Variants in FSTL4 observed in about 807,000 individuals in gnomAD.
FSTL4 encodes the protein follistatin-related protein 4.
FSTL4 carries 28 observed loss-of-function variants against 78.2 expected under a neutral mutation model. The ratio of observed to expected loss-of-function variants is 0.36; its 90% CI spans 0.27 to 0.49. The LOEUF is 0.49. FSTL4 is among the 20% of genes least tolerant of loss of function. The pLI, the probability that FSTL4 is intolerant of heterozygous loss-of-function variation, is 0.98. For synonymous variants in FSTL4, 422 were observed against 440.5 expected, an observed-to-expected ratio of 0.96 and a Z score of 0.53; for missense variants, 922 against 1,084.9, an observed-to-expected ratio of 0.85 and a Z score of 2.11.
intron 4 of FSTL4, among the ~76,000 whole-genome samples, chr5:133,399,646 C>T (rs1454492481): frequency 6.6e-6 from 1 of 152,250 alleles, no homozygotes; most frequent in East Asian, 1.9e-4. Flanking sequence ...AGCTCTGCCC[C>T]TTCCCACTTG....
chr5:133,589,286 T>TAAAAAAAAAAAAAAA (rs113649317), intron 2 of FSTL4, among the ~76,000 whole-genome samples: 27 of 80,316 alleles, frequency 3.4e-4, no homozygotes, highest in East Asian at 1.0e-3. Context: ...TAGAGTATAA[T>TAAAAAAAAAAAAAAA]AAAAAAAAAA....
At chr5:133,831,365 A>G in the FSTL4 span, among the ~76,000 whole-genome samples, 18 of 152,304 alleles carry the variant, frequency 1.2e-4, no homozygotes, top group Non-Finnish European at 2.2e-4. Flanking sequence ...ATTCCTTTTA[A>G]TGACTCTTAA....
At chr5:133,249,996 C>G (rs1354913346) in intron 6 of FSTL4, among the ~76,000 whole-genome samples, 3 of 152,226 alleles carry the variant, frequency 2.0e-5, no homozygotes, top group Non-Finnish European at 4.4e-5. Flanking sequence ...GCTGAGTGAG[C>G]TAACAAGTTT....
At chr5:133,574,840 A>C (rs951550398) in intron 2 of FSTL4, 6 of 152,240 alleles carry the variant, frequency 3.9e-5, no homozygotes, top group African/African-American at 1.2e-4. Context: ...ACAGTTTATA[A>C]GATTTTATTT....
the FSTL4 span, among the ~76,000 whole-genome samples, chr5:133,833,145 T>C: frequency 1.3e-5 from 2 of 152,182 alleles, no homozygotes; most frequent in African/African-American, 2.4e-5. Flanking sequence ...TCCAGGTCCA[T>C]GAATGCCTAT....
the FSTL4 span, among the ~76,000 whole-genome samples, chr5:133,663,818 G>C: frequency 6.6e-6 from 1 of 152,246 alleles, no homozygotes; most frequent in Non-Finnish European, 1.5e-5. Context: ...CCTCAGACCA[G>C]GGCCTTTGAC....
intron 4 of FSTL4, among the ~76,000 whole-genome samples, chr5:133,319,155 G>C (rs943802255): frequency 6.6e-5 from 10 of 152,212 alleles, no homozygotes; most frequent in African/African-American, 2.2e-4. Flanking sequence ...CTGCCTGTGA[G>C]CGCAGACTTC....
intron 3 of FSTL4, among the ~76,000 whole-genome samples, chr5:133,474,972 C>T (rs1757900070): frequency 6.6e-6 from 1 of 152,182 alleles, no homozygotes; most frequent in African/African-American, 2.4e-5. Context: ...CGAAGTCATC[C>T]TAATGTTAGG....
At chr5:133,317,811 A>C (rs1482110313) in intron 4 of FSTL4, among the ~76,000 whole-genome samples, 1 of 152,146 alleles carries the variant, frequency 6.6e-6, no homozygotes, top group Non-Finnish European at 1.5e-5. Flanking sequence ...AGGCCTTTGC[A>C]CCAGCATGGC....
At chr5:133,521,317 C>T (rs1758977711) in intron 3 of FSTL4, among the ~76,000 whole-genome samples, 1 of 152,222 alleles carries the variant, frequency 6.6e-6, no homozygotes, top group African/African-American at 2.4e-5. Context: ...CACTTGCTTC[C>T]CTGCTGAGCC....
intron 1 of FSTL4, among the ~76,000 whole-genome samples, chr5:133,610,966 C>T (rs560018160): frequency 6.6e-6 from 1 of 152,026 alleles, no homozygotes; most frequent in Non-Finnish European, 1.5e-5. Flanking sequence ...AGAACCTGGA[C>T]GGATGTTTGT....
chr5:133,791,891 C>T, the FSTL4 span, among the ~76,000 whole-genome samples: 1 of 152,374 alleles, frequency 6.6e-6, no homozygotes, highest in South Asian at 2.1e-4. Flanking sequence ...GCCTGTCCTA[C>T]ATTCCCACTG....
At chr5:133,556,950 T>C (rs1759800091) in intron 3 of FSTL4, among the ~76,000 whole-genome samples, 1 of 152,182 alleles carries the variant, frequency 6.6e-6, no homozygotes, top group African/African-American at 2.4e-5. Flanking sequence ...TTCATTTGCT[T>C]TTCATCCTTA....
chr5:133,778,177 T>C, the FSTL4 span, among the ~76,000 whole-genome samples: 1 of 152,320 alleles, frequency 6.6e-6, no homozygotes, highest in Non-Finnish European at 1.5e-5. Flanking sequence ...ATGTGCCCTG[T>C]GGATCAAACC....
chr5:133,567,074 T>G (rs1760041767), intron 3 of FSTL4, 112 bp downstream of exon 3: 1 of 816,328 alleles, frequency 1.2e-6, no homozygotes, highest in Non-Finnish European at 2.2e-6. Context: ...AAAGGCCGCA[T>G]GAAATTTCAA....
Position 133,545,029 on chromosome 5 carries a change from G to T in FSTL4, c.160+22157C>A, listed in dbSNP as rs560969277. On this transcript the variant is annotated intron_variant, in intron 3 of 15. Coordinates refer to ENST00000265342, the MANE Select transcript of FSTL4 (RefSeq NM_015082.2). ...AGGGAGAAAATCCTTGGAGTAATAG[G>T]AGTATCTTTATTATTTATCACACCT... Among the ~76,000 whole-genome samples the T allele has an allele frequency of 7.9e-5, 12 of 152,268 alleles. 1 individual carries two copies. The South Asian group carries it at 2.5e-3, about 32-fold the overall frequency.
the FSTL4 span, among the ~76,000 whole-genome samples, chr5:133,750,297 C>G: frequency 5.9e-5 from 9 of 152,302 alleles, no homozygotes; most frequent in Non-Finnish European, 1.2e-4. Flanking sequence ...TTCAAAAAAG[C>G]CCAAAGCAGT....
chr5:133,369,217 C>T (rs1402403431), intron 4 of FSTL4, among the ~76,000 whole-genome samples: 1 of 152,194 alleles, frequency 6.6e-6, no homozygotes, highest in Non-Finnish European at 1.5e-5. Flanking sequence ...GTTTAATGCC[C>T]ATCTGGCATT....
At chr5:133,469,743 G>A (rs1159586277) in intron 3 of FSTL4, among the ~76,000 whole-genome samples, 2 of 152,124 alleles carry the variant, frequency 1.3e-5, no homozygotes, top group Non-Finnish European at 2.9e-5. Flanking sequence ...GTGAGCAAGG[G>A]ATTTAAGTAC....
Sources: gnomAD v4.1 joint callset for allele counts (sites outside exome capture counted in the v4.1 genomes callset) on GRCh38, gnomAD v4.1.1 for gene constraint, MANE v1.5 for transcripts, NCBI Gene and HGNC (gene_info 2026-07-23, HGNC 2026-07-21) for gene names.